Variants in LARGE1 observed in about 807,000 individuals in gnomAD.
The protein encoded by LARGE1 is LARGE xylosyl- and glucuronyltransferase 1.
Under a neutral mutation model 87.6 loss-of-function variants are expected in LARGE1, and 43 were observed. That is an observed-to-expected ratio of 0.49 (90% CI 0.38 to 0.63). The LOEUF (loss-of-function observed/expected upper bound fraction) is 0.63, where lower values mean the gene tolerates loss of function less well. Among genes scored for constraint, LARGE1 ranks in the 30% least tolerant of loss-of-function variants. The probability of loss-of-function intolerance (pLI) is 0.00; values close to 1 mark genes in which losing one functional copy is unlikely to be tolerated. For synonymous variants in LARGE1, 434 were observed against 394.6 expected, an observed-to-expected ratio of 1.10 and a Z score of -1.18; for missense variants, 802 against 1,000.2, an observed-to-expected ratio of 0.80 and a Z score of 2.67.
intron 2 of LARGE1, among the ~76,000 whole-genome samples, chr22:33,728,110 A>T (rs1195449779): frequency 1.3e-5 from 2 of 152,146 alleles, no homozygotes; most frequent in Non-Finnish European, 2.9e-5. Flanking sequence ...TGTGCTACTC[A>T]ATTCATATGA....
the LARGE1 span, among the ~76,000 whole-genome samples, chr22:33,116,530 ATT>A: frequency 1.4e-4 from 19 of 137,350 alleles, no homozygotes; most frequent in South Asian, 2.3e-4. Context: ...AATTTTTTGT[ATT>A]TTTTTTTTTT....
chr22:33,890,152 G>C (rs1274730393), intron 1 of LARGE1, among the ~76,000 whole-genome samples: 3 of 152,206 alleles, frequency 2.0e-5, no homozygotes, highest in African/African-American at 7.2e-5. Flanking sequence ...TCTAGGAACA[G>C]AGCTACTACA....
At position 33,304,473 on chromosome 22, in the gene LARGE1, C is replaced by T; in HGVS notation, c.1486G>A (p.Glu496Lys). The change falls in exon 12 of 15, where the codon GAG becomes AAG. Residue 496 changes from glutamate (E) to lysine (K), a missense_variant. By Grantham distance (56) the Glu-to-Lys change is moderately conservative. Coordinates refer to ENST00000397394, the MANE Select transcript of LARGE1 (RefSeq NM_133642.5). ...TAGAGGGCCAGGCTGATGGGCCCCT[C>T]CCAGTGCTTGCAGATGGCCTCCAGC... is the stretch of plus-strand genomic sequence containing the variant. Reference protein sequence around the residue: ...QMLEAICKHWEGPISLALYLS... With the variant: ...QMLEAICKHWKGPISLALYLS... The T allele has an allele frequency of 6.2e-7, 1 of 1,610,314 alleles. No homozygotes were observed. Among genetic ancestry groups the T allele is most frequent in the African/African-American group, 1.3e-5 (1 of 74,988 alleles).
At chr22:33,790,220 G>C (rs907471989) in intron 1 of LARGE1, among the ~76,000 whole-genome samples, 5 of 152,184 alleles carry the variant, frequency 3.3e-5, no homozygotes, top group African/African-American at 4.8e-5. Context: ...CTGCCACCAT[G>C]TAAGACATGA....
intron 6 of LARGE1, among the ~76,000 whole-genome samples, chr22:33,519,619 AT>A (rs1300610599): frequency 2.0e-5 from 3 of 152,168 alleles, no homozygotes; most frequent in Admixed American, 2.0e-4. Flanking sequence ...GTAAATGATG[AT>A]TCTCTCCCAG....
At chr22:33,888,277 TA>T (rs1023186434) in intron 1 of LARGE1, among the ~76,000 whole-genome samples, 13 of 150,968 alleles carry the variant, frequency 8.6e-5, no homozygotes, top group African/African-American at 2.9e-4. Flanking sequence ...AAAAAAGTAA[TA>T]AAAAAAAGTC....
intron 11 of LARGE1, among the ~76,000 whole-genome samples, chr22:33,258,289 C>G (rs1432389561): frequency 6.6e-6 from 1 of 152,200 alleles, no homozygotes; most frequent in Non-Finnish European, 1.5e-5. Flanking sequence ...ACCTTGGCCT[C>G]CCAAAGTGCT....
intron 7 of LARGE1, among the ~76,000 whole-genome samples, chr22:33,393,952 AT>A (rs1474871320): frequency 6.6e-6 from 1 of 152,198 alleles, no homozygotes; most frequent in African/African-American, 2.4e-5. Context: ...TCAGAGGGCC[AT>A]GTTTTCTTTT....
rs979220072 is a variant in LARGE1, at chr22:33,273,905, T to A, written c.*522A>T. The A allele has an allele frequency of 2.2e-5, 8 of 362,892 alleles. No individual in the cohort carries two copies. Among genetic ancestry groups the A allele is most frequent in the African/African-American group, 1.7e-4 (8 of 47,778 alleles). The allele number at this position is 362,892 out of a possible 1,614,324, so 22.5% of individuals were successfully genotyped here. On this transcript the variant is annotated 3_prime_UTR_variant, in exon 15 of 15. Coordinates refer to ENST00000397394, the MANE Select transcript of LARGE1 (RefSeq NM_133642.5). ...GGTTACAATGTCCCCATTGGGTTTT[T>A]CCAAGTGGTTGGTTTAGATCATCGG...
intron 1 of LARGE1, among the ~76,000 whole-genome samples, chr22:33,837,270 ACAC>A (rs2063136932): frequency 2.0e-5 from 3 of 151,900 alleles, no homozygotes; most frequent in Non-Finnish European, 4.4e-5. Context: ...ACACACACAC[ACAC>A]ACACACACCT....
chr22:33,377,552 T>C (rs2065028000), intron 9 of LARGE1, among the ~76,000 whole-genome samples: 2 of 152,246 alleles, frequency 1.3e-5, no homozygotes, highest in South Asian at 4.1e-4. Context: ...AGGCTGACAA[T>C]ACTTTAGCAG....
In LARGE1 at chr22:33,787,240, A is replaced by G. The variant is rs2283948; in HGVS notation, c.-82-25682T>C. On this transcript the variant is annotated intron_variant, in intron 1 of 14. Coordinates refer to ENST00000397394, the MANE Select transcript of LARGE1 (RefSeq NM_133642.5). Reference sequence around the variant, plus strand: ...GGTTAACCTAAACCTCTGGAAAAGCACTGGAGAGGCAAGTTTTACAGAATA... The same window carrying G: ...GGTTAACCTAAACCTCTGGAAAAGCGCTGGAGAGGCAAGTTTTACAGAATA... Among the ~76,000 whole-genome samples the G allele has an allele frequency of 2.8e-4, 42 of 152,162 alleles. No homozygotes were observed. The East Asian group carries it at 7.4e-3, about 27-fold the overall frequency.
At chr22:33,127,117 A>C in the LARGE1 span, among the ~76,000 whole-genome samples, 1 of 152,114 alleles carries the variant, frequency 6.6e-6, no homozygotes, top group East Asian at 1.9e-4. Context: ...GTTCCATTTG[A>C]GAGAACAGAT....
intron 2 of LARGE1, among the ~76,000 whole-genome samples, chr22:33,735,038 A>G (rs1013398474): frequency 6.6e-6 from 1 of 152,200 alleles, no homozygotes; most frequent in Non-Finnish European, 1.5e-5. Flanking sequence ...AATAAGAGAC[A>G]ACTGAGAAGA....
chr22:33,391,672 T>C (rs902839407), intron 7 of LARGE1, among the ~76,000 whole-genome samples: 3 of 151,946 alleles, frequency 2.0e-5, no homozygotes, highest in African/African-American at 7.2e-5. Context: ...AAAAAGAAAA[T>C]TTTAGAAAGG....
chr22:33,841,378 C>A (rs960610539), intron 1 of LARGE1, among the ~76,000 whole-genome samples: 1 of 152,176 alleles, frequency 6.6e-6, no homozygotes, highest in East Asian at 1.9e-4. Flanking sequence ...AGAGGTGAAT[C>A]TACCCTGTGG....
chr22:33,812,031 G>A (rs1201182659), intron 1 of LARGE1, among the ~76,000 whole-genome samples: 1 of 152,218 alleles, frequency 6.6e-6, no homozygotes, highest in East Asian at 1.9e-4. Context: ...GGATGACTGA[G>A]ATTTCCACCT....
At chr22:33,800,200 T>A (rs2086116426) in intron 1 of LARGE1, among the ~76,000 whole-genome samples, 1 of 152,160 alleles carries the variant, frequency 6.6e-6, no homozygotes, top group African/African-American at 2.4e-5. Context: ...TACCTCCCTG[T>A]GTGTTTTTTA....
At chr22:33,332,363 C>T (rs1240542985) in intron 10 of LARGE1, among the ~76,000 whole-genome samples, 3 of 152,188 alleles carry the variant, frequency 2.0e-5, no homozygotes, top group African/African-American at 7.2e-5. Flanking sequence ...GTCCCTTGCT[C>T]TTCCGCCATG....
Sources: gnomAD v4.1 joint callset for allele counts (sites outside exome capture counted in the v4.1 genomes callset) on GRCh38, gnomAD v4.1.1 for gene constraint, MANE v1.5 for transcripts, NCBI Gene and HGNC (gene_info 2026-07-23, HGNC 2026-07-21) for gene names.